ANKMY1: variants seen among roughly 807,000 people sequenced by gnomAD.
ANKMY1 encodes the protein ankyrin repeat and MYND domain containing 1, also known as ankyrin repeat and MYND domain-containing protein 1.
A neutral mutation model predicts 102.0 loss-of-function variants in ANKMY1; 98 were observed. That is an observed-to-expected ratio of 0.96 (90% CI 0.82 to 1.14). The LOEUF is 1.14. ANKMY1 is among the 50% of genes most tolerant of loss of function. The pLI is 0.00. For synonymous variants in ANKMY1, 582 were observed against 559.9 expected, an observed-to-expected ratio of 1.04 and a Z score of -0.56; for missense variants, 1,330 against 1,347.6, an observed-to-expected ratio of 0.99 and a Z score of 0.20.
chr2:240,560,940 T>A, upstream of ANKMY1: 1 of 1,534,292 alleles, frequency 6.5e-7, no homozygotes, highest in Non-Finnish European at 8.7e-7. Flanking sequence ...GGAGCCCACG[T>A]GCGCCGCCAT....
intron 17 of ANKMY1, among the ~76,000 whole-genome samples, chr2:240,479,892 C>T (rs560894008): frequency 6.6e-6 from 1 of 152,226 alleles, no homozygotes; most frequent in African/African-American, 2.4e-5. Context: ...CAAGGAGCTG[C>T]GACCTCACCG....
chr2:240,520,523 G>C lies in ANKMY1; in HGVS notation c.1843C>G (p.Arg615Gly). 1.9e-6 allele frequency: 3 copies of C among 1,611,686 alleles called. No individual in the cohort carries two copies. The highest frequency in any genetic ancestry group is 2.2e-5 in the East Asian group (1 of 44,860). Residue 615 changes from arginine (R) to glycine (G), a missense_variant, in exon 9 of 18, where the codon CGC becomes GGC. Transcript: ENST00000401804. The surrounding 1 kb of genome is among the most constrained non-coding windows in gnomAD (Gnocchi z 4.8). Reference protein sequence around the residue: ...MALSMIERRKRWRTIKLLLRR... With the variant: ...MALSMIERRKGWRTIKLLLRR... ...AGCAGCAGCTTGATGGTCCGCCAGC[G>C]CTTCCTCCGCCTGAAAAAGACGGTG... is the stretch of plus-strand genomic sequence containing the variant.
At chr2:240,550,782 T>C (rs1378022165) in intron 4 of ANKMY1, among the ~76,000 whole-genome samples, 2 of 152,192 alleles carry the variant, frequency 1.3e-5, no homozygotes, top group African/African-American at 4.8e-5. Flanking sequence ...TTGTCAACAA[T>C]AGTTAATGAT....
chr2:240,484,713 T>C (rs1437919176), intron 15 of ANKMY1, among the ~76,000 whole-genome samples: 3 of 152,024 alleles, frequency 2.0e-5, no homozygotes, highest in African/African-American at 7.2e-5. Flanking sequence ...GGGATCTAAT[T>C]AAAATAGGGC....
intron 9 of ANKMY1, among the ~76,000 whole-genome samples, chr2:240,518,466 G>C (rs1249233043): frequency 1.3e-5 from 2 of 152,104 alleles, no homozygotes; most frequent in Non-Finnish European, 2.9e-5. Context: ...TGAGGACAGG[G>C]TTTGAGAACA....
At chr2:240,481,281 G>A (rs1053641189) in intron 16 of ANKMY1, among the ~76,000 whole-genome samples, 184 bp from the exon 17 acceptor site, 11 of 152,208 alleles carry the variant, frequency 7.2e-5, no homozygotes, top group Admixed American at 3.3e-4. Flanking sequence ...TCCTGAGGAT[G>A]TTCAGCACAG....
chr2:240,478,038 C>T (rs75964520), downstream of ANKMY1, among the ~76,000 whole-genome samples: 655 of 152,316 alleles, frequency 4.3e-3, 5 homozygotes, highest in Admixed American at 6.3e-3. Context: ...ACTTCCCCAT[C>T]TGGTGCAGTT....
intron 13 of ANKMY1, among the ~76,000 whole-genome samples, chr2:240,503,507 CA>C (rs1194500145): frequency 2.0e-5 from 3 of 152,146 alleles, no homozygotes; most frequent in African/African-American, 7.2e-5. Context: ...CCCAGGGAGT[CA>C]GGGGGGCCCA....
downstream of ANKMY1, among the ~76,000 whole-genome samples, chr2:240,478,513 G>T (rs1474039158): frequency 6.6e-6 from 1 of 151,978 alleles, no homozygotes; most frequent in Non-Finnish European, 1.5e-5. Flanking sequence ...ACACAGTTAC[G>T]ACCCTCCCAG....
chr2:240,500,046 G>A lies in ANKMY1; in HGVS notation c.2718C>T (p.Leu906=). Residue 906 remains leucine, a synonymous_variant, in exon 15 of 18, where the codon CTC becomes CTT. Transcript: ENST00000401804. Reference sequence around the variant, plus strand: ...GTAGCTGCAAGCCCATGTACTCCAGGAGCCGCTTCCGCGCCAGGAACGTCT... The same window carrying A: ...GTAGCTGCAAGCCCATGTACTCCAGAAGCCGCTTCCGCGCCAGGAACGTCT... ...ERETFLARKR[L]LEYMGLQLRQ... The A allele has an allele frequency of 6.2e-7, 1 of 1,613,060 alleles. No homozygotes were observed.
rs2084692629 is a variant in ANKMY1 at position 240,529,278 on chromosome 2, C to A, written c.712G>T (p.Asp238Tyr). 1.9e-6 allele frequency: 3 copies of A among 1,614,190 alleles called. No individual in the cohort carries two copies. Among genetic ancestry groups the A allele is most frequent in the Non-Finnish European group, 2.5e-6 (3 of 1,180,036 alleles). The part of the protein sequence containing the change: ...KTEWGLQEGQ[D>Y]PFFYDYKRFL... ...CGCTTATAGTCATAGAAAAAGGGAT[C>A]CTGTCCCTCCTGCAGTCCCCACTCC... The change falls in exon 5 of 18, where the codon GAT becomes TAT. Residue 238 changes from aspartate to tyrosine, a missense_variant. Transcript: ENST00000401804. The surrounding 1 kb of genome is among the most constrained non-coding windows in gnomAD (Gnocchi z 4.2).
At chr2:240,505,128 A>G (rs1352212299) in intron 13 of ANKMY1, among the ~76,000 whole-genome samples, 2 of 152,114 alleles carry the variant, frequency 1.3e-5, no homozygotes, top group East Asian at 3.9e-4. Flanking sequence ...AACATGAAAC[A>G]GTGCAGCTGC....
At position 240,554,915 on chromosome 2, in the gene ANKMY1, C is replaced by A. The variant is rs367784859; in HGVS notation, c.287G>T (p.Gly96Val). Residue 96 changes from glycine (G) to valine (V), a missense_variant, in exon 3 of 18, where the codon GGG becomes GTG. Gly to Val is a moderately radical substitution (Grantham distance 109). Coordinates refer to ENST00000401804, the MANE Select transcript of ANKMY1 (RefSeq NM_001282771.3). ...GCCATATCCAAGCTTCATGTTCAAC[C>A]CAAACTCCCCCTGGTACATGCAACC... ...QDGCMYQGEF[G>V]LNMKLGYGKF... The A allele has an allele frequency of 1.9e-5, 31 of 1,614,032 alleles. No individual in the cohort carries two copies. Among genetic ancestry groups the A allele is most frequent in the Non-Finnish European group, 2.5e-5 (29 of 1,180,024 alleles).
intron 4 of ANKMY1, among the ~76,000 whole-genome samples, chr2:240,550,353 G>T: frequency 7.5e-6 from 1 of 132,858 alleles, no homozygotes; most frequent in East Asian, 2.4e-4. Context: ...TCACACTCTG[G>T]GGACTGCTGT....
At chr2:240,538,429 A>G (rs2087545845) in intron 4 of ANKMY1, among the ~76,000 whole-genome samples, 1 of 152,118 alleles carries the variant, frequency 6.6e-6, no homozygotes, top group African/African-American at 2.4e-5. Context: ...CCTGGGCCAG[A>G]AGCTGCGGAG....
chr2:240,474,294 G>A, the ANKMY1 span, among the ~76,000 whole-genome samples: 1 of 126,220 alleles, frequency 7.9e-6, no homozygotes, highest in Non-Finnish European at 1.6e-5. Context: ...TTTTTTAGTA[G>A]AGACGGGTTT....
In ANKMY1 at chr2:240,529,966, AG is replaced by A; in HGVS notation, c.481-458del. On this transcript the variant is annotated intron_variant, in intron 4 of 17. Transcript: ENST00000401804. The surrounding 1 kb of genome is among the most constrained non-coding windows in gnomAD (Gnocchi z 4.2). ...GGAGGAGATAGAGGAAAGGAAGAGG[AG>A]GAGGAGGAAGAGGAAGGAGGGAAGA... 6.6e-6 allele frequency among the ~76,000 whole-genome samples: 1 copy of A among 151,770 alleles called. No individual in the cohort carries two copies. Among genetic ancestry groups the A allele is most frequent in the Non-Finnish European group, 1.5e-5 (1 of 67,932 alleles).
In ANKMY1 at chr2:240,500,070, C is replaced by T. The variant is rs199686135; in HGVS notation, c.2694G>A (p.Glu898=). The T allele has an allele frequency of 6.2e-7, 1 of 1,611,874 alleles. No individual in the cohort carries two copies. The change falls in exon 15 of 18, where the codon GAG becomes GAA. Residue 898 remains glutamate (E), a synonymous_variant. Transcript: ENST00000401804. The stretch of plus-strand genomic sequence containing the variant: ...GGAGCCGCTTCCGCGCCAGGAACGT[C>T]TCGCGCTCTGCTGGCATCAGCGTGT... ...PFHTLMPAER[E]TFLARKRLLE...
intron 4 of ANKMY1, among the ~76,000 whole-genome samples, chr2:240,535,159 C>T (rs994046660): frequency 2.0e-5 from 3 of 152,154 alleles, no homozygotes; most frequent in Admixed American, 6.5e-5. Context: ...AGAACATGTG[C>T]CCAAGGTGGT....
Sources: gnomAD v4.1 joint callset for allele counts (sites outside exome capture counted in the v4.1 genomes callset) on GRCh38, gnomAD v4.1.1 for gene constraint, Gnocchi (gnomAD v3.1) non-coding constraint, MANE v1.5 for transcripts, NCBI Gene and HGNC (gene_info 2026-07-23, HGNC 2026-07-21) for gene names.